Variants in ZMYM4 observed in about 807,000 individuals in gnomAD.
ZMYM4 encodes zinc finger MYM-type containing 4, also known as zinc finger MYM-type protein 4.
ZMYM4 carries 31 observed loss-of-function variants against 183.2 expected under a neutral mutation model. The observed-to-expected ratio is 0.17, with a 90% confidence interval of 0.13 to 0.23. The LOEUF (loss-of-function observed/expected upper bound fraction) is 0.23. Ranked by LOEUF, ZMYM4 falls within the 10% of genes least tolerant of loss-of-function variation. The pLI is 1.00. For missense variants in ZMYM4, 1,273 were observed against 1,840.3 expected (o/e 0.69, Z 5.64); for synonymous variants, 592 against 631.2 (o/e 0.94, Z 0.93).
At position 35,397,680 on chromosome 1, in the gene ZMYM4, A is replaced by G. The variant is rs542730373; in HGVS notation, c.3199+135A>G. 5 of 661,410 alleles carry G rather than the reference A, an allele frequency of 7.6e-6. No homozygotes were observed. The African/African-American group carries it at 9.3e-5, about 12-fold the overall frequency. The allele number at this position is 661,410 out of a possible 1,614,324, so 41.0% of individuals were successfully genotyped here. ...TGTGAATACCAAGCCTGTGGGGTTG[A>G]TTACACTTTTTAGTGCTTCTGAAAG... is the stretch of plus-strand genomic sequence containing the variant. On this transcript the variant is annotated intron_variant, in intron 20 of 29. Transcript: ENST00000314607.
At position 35,421,013 on chromosome 1, in the gene ZMYM4, A is replaced by G. The variant is rs957850554; in HGVS notation, c.*1336A>G. The G allele has an allele frequency of 6.6e-6, 1 of 152,294 alleles. No homozygotes were observed. Among genetic ancestry groups the G allele is most frequent in the African/African-American group, 2.4e-5 (1 of 41,456 alleles). 9.4% of individuals were successfully genotyped at this position (152,294 alleles called of 1,614,324 possible). A position where few individuals can be genotyped will look rare whatever the true frequency, so the allele number is the denominator to read the frequency against. ...TTTCTTCCCCACAAAATTTGGAATC[A>G]AAGCTTTTATGACGTTTGCCAATTG... On this transcript the variant is annotated 3_prime_UTR_variant, in exon 30 of 30. Coordinates refer to ENST00000314607, the MANE Select transcript of ZMYM4 (RefSeq NM_005095.3).
chr1:35,371,237 TC>T (rs1235697437), intron 7 of ZMYM4, among the ~76,000 whole-genome samples: 3 of 151,998 alleles, frequency 2.0e-5, no homozygotes, highest in African/African-American at 7.3e-5. Context: ...TGCCTCGGCC[TC>T]CTGAGTAGCT....
At chr1:35,398,489 T>C in intron 21 of ZMYM4, 23 bp downstream of exon 21, 1 of 1,599,020 alleles carries the variant, frequency 6.3e-7, no homozygotes, top group South Asian at 1.1e-5. Flanking sequence ...AAATATGTTT[T>C]GATTTTTAGA....
chr1:35,380,055 C>T (rs910492525), intron 7 of ZMYM4, among the ~76,000 whole-genome samples: 1 of 152,144 alleles, frequency 6.6e-6, no homozygotes, highest in Non-Finnish European at 1.5e-5. Context: ...TAAGAAATGG[C>T]ACTGATAGAC....
At chr1:35,331,511 C>T (rs959199366) in intron 2 of ZMYM4, among the ~76,000 whole-genome samples, 4 of 152,016 alleles carry the variant, frequency 2.6e-5, no homozygotes, top group African/African-American at 7.3e-5. Context: ...GTCAGTCAGG[C>T]GCAGTGGCTC....
chr1:35,374,340 A>G (rs1644288129), intron 7 of ZMYM4, among the ~76,000 whole-genome samples: 1 of 152,002 alleles, frequency 6.6e-6, no homozygotes, highest in Admixed American at 6.6e-5. Flanking sequence ...GGCACTCATC[A>G]TGGGATTGTA....
At chr1:35,296,658 A>G (rs964242704) in intron 1 of ZMYM4, among the ~76,000 whole-genome samples, 6 of 151,970 alleles carry the variant, frequency 3.9e-5, no homozygotes, top group African/African-American at 1.2e-4. Flanking sequence ...TAGGGCATCT[A>G]TTGCACATGA....
At chr1:35,337,041 C>T (rs1053809329) in intron 2 of ZMYM4, among the ~76,000 whole-genome samples, 12 of 152,258 alleles carry the variant, frequency 7.9e-5, no homozygotes, top group African/African-American at 2.9e-4. Flanking sequence ...GCCTCTCCAG[C>T]CATGCTGAAC....
intron 1 of ZMYM4, among the ~76,000 whole-genome samples, chr1:35,305,570 T>C (rs1641498471): frequency 6.6e-6 from 1 of 151,372 alleles, no homozygotes; most frequent in African/African-American, 2.4e-5. Flanking sequence ...TTAGAGACAG[T>C]GTCTTGCTCA....
chr1:35,318,221 G>C (rs764333670), intron 1 of ZMYM4, among the ~76,000 whole-genome samples: 17 of 151,656 alleles, frequency 1.1e-4, no homozygotes, highest in Non-Finnish European at 2.5e-4. Flanking sequence ...ACCATGCCTG[G>C]CAATTTTTGT....
chr1:35,405,221 T>C, intron 24 of ZMYM4, 27 bp downstream of exon 24: 1 of 1,608,386 alleles, frequency 6.2e-7, no homozygotes, highest in Non-Finnish European at 8.5e-7. Context: ...AATTGTATCT[T>C]GATTTAGGTA....
intron 2 of ZMYM4, among the ~76,000 whole-genome samples, chr1:35,349,566 G>C (rs1017840494): frequency 6.6e-6 from 1 of 152,112 alleles, no homozygotes; most frequent in African/African-American, 2.4e-5. Context: ...GGTGGCTCAT[G>C]CCTGTAATCC....
intron 1 of ZMYM4, among the ~76,000 whole-genome samples, chr1:35,270,319 T>C (rs942249109): frequency 6.6e-6 from 1 of 152,212 alleles, no homozygotes; most frequent in African/African-American, 2.4e-5. Flanking sequence ...GTTTCTCTCC[T>C]TAAAAGCTTA....
intron 2 of ZMYM4, among the ~76,000 whole-genome samples, chr1:35,354,727 TAAAAAAAAAAAAAAAAAAAA>T (rs57493035): frequency 1.2e-5 from 1 of 84,036 alleles, no homozygotes; most frequent in African/African-American, 5.8e-5. Context: ...ACTTTGTCTT[TAAAAAAAAAAAAAAAAAAAA>T]AAAAAAAAAG....
In ZMYM4 at chr1:35,419,539, C is replaced by A; in HGVS notation, c.4509C>A (p.Ser1503Arg). Residue 1503 changes from serine to arginine, a missense_variant, in exon 30 of 30, where the codon AGC becomes AGA. Coordinates refer to ENST00000314607, the MANE Select transcript of ZMYM4 (RefSeq NM_005095.3). ...LQPERSCVPN[S>R]PMWYSTFPID... ...CTGAGCGCTCCTGTGTCCCGAATAG[C>A]CCCATGTGGTACTCCACATTCCCGA... 6.2e-7 allele frequency: 1 copy of A among 1,614,014 alleles called. No individual in the cohort carries two copies. The highest frequency in any genetic ancestry group is 8.5e-7 in the Non-Finnish European group (1 of 1,180,020).
In ZMYM4 at chr1:35,392,629, G is replaced by A. The variant is rs550741529; in HGVS notation, c.2729-18G>A. ...ATAATTGTAAAGATCCTAAATTTAT[G>A]TTTTAATTTATATCAAGGTGCAGTT... On this transcript the variant is annotated intron_variant, in intron 16 of 29. Coordinates refer to ENST00000314607, the MANE Select transcript of ZMYM4 (RefSeq NM_005095.3). 2.1e-5 allele frequency: 33 copies of A among 1,583,106 alleles called. No individual in the cohort carries two copies. In the Admixed American group the frequency reaches 5.7e-4, roughly 27 times the overall value.
Position 35,381,641 on chromosome 1 carries a change from C to G in ZMYM4, c.1452C>G (p.Asn484Lys), listed in dbSNP as rs1644460644. ...GTTCTGCTAACAACCTCACCATGAA[C>G]TGTTGTGAGAACTGTGGGGGTTACT... Reference protein sequence around the residue: ...KFRSANNLTMNCCENCGGYCY... With the variant: ...KFRSANNLTMKCCENCGGYCY... Residue 484 changes from asparagine (N) to lysine (K), a missense_variant, in exon 9 of 30, where the codon AAC (asparagine) becomes AAG (lysine). Physicochemically the swap from Asn to Lys is moderately conservative, Grantham distance 94. Coordinates refer to ENST00000314607, the MANE Select transcript of ZMYM4 (RefSeq NM_005095.3). 1.2e-6 allele frequency: 2 copies of G among 1,614,216 alleles called. No individual in the cohort carries two copies. Among genetic ancestry groups the G allele is most frequent in the Non-Finnish European group, 1.7e-6 (2 of 1,180,044 alleles).
intron 23 of ZMYM4, 115 bp downstream of exon 23, chr1:35,399,691 G>A (rs977679099): frequency 9.5e-7 from 1 of 1,048,472 alleles, no homozygotes; most frequent in Admixed American, 2.8e-5. Flanking sequence ...TCCACATGTT[G>A]TTTTGCAACT....
intron 1 of ZMYM4, among the ~76,000 whole-genome samples, chr1:35,272,365 G>A (rs754866354): frequency 5.3e-5 from 8 of 152,230 alleles, no homozygotes; most frequent in Non-Finnish European, 1.2e-4. Flanking sequence ...GCTAGGCATT[G>A]TGCTTTGTTA....
Sources: allele counts gnomAD v4.1 joint callset (sites outside exome capture counted in the v4.1 genomes callset), GRCh38; gene constraint gnomAD v4.1.1; transcripts MANE v1.5; gene names NCBI Gene and HGNC (gene_info 2026-07-23, HGNC 2026-07-21).